ERBB4: variants seen among roughly 807,000 people sequenced by gnomAD.
The protein encoded by ERBB4 is receptor tyrosine-protein kinase erbB-4.
ERBB4 carries 42 observed loss-of-function variants against 158.0 expected under a neutral mutation model. The observed-to-expected ratio is 0.27, with a 90% CI of 0.21 to 0.34. ERBB4 has a LOEUF of 0.34. Among genes scored for constraint, ERBB4 ranks in the 10% least tolerant of loss-of-function variants. The probability of loss-of-function intolerance (pLI) is 1.00; values close to 1 mark genes in which losing one functional copy is unlikely to be tolerated. For synonymous variants in ERBB4, 583 were observed against 558.7 expected (o/e 1.04, Z -0.61); for missense variants, 1,333 against 1,624.1 (o/e 0.82, Z 3.08).
In ERBB4 at chr2:211,376,775, T is replaced by C. The variant is rs898725808; in HGVS notation, c.*6840A>G. 1.3e-5 allele frequency: 3 copies of C among 233,074 alleles called. No individual in the cohort carries two copies. In the Admixed American group the frequency reaches 1.7e-4, roughly 13 times the overall value. The allele number at this position is 233,074 out of a possible 1,614,324, so 14.4% of individuals were successfully genotyped here. A position where few individuals can be genotyped will look rare whatever the true frequency, so the allele number is the denominator to read the frequency against. On this transcript the variant is annotated 3_prime_UTR_variant, in exon 28 of 28. Coordinates refer to ENST00000342788, the MANE Select transcript of ERBB4 (RefSeq NM_005235.3). ...CTTCCACATTGATCTCATTTTCATT[T>C]GATCTTCTTGTAATGGTGCTCAAGA... is the stretch of plus-strand genomic sequence containing the variant.
At chr2:211,950,318 C>G (rs2080839922) in intron 2 of ERBB4, among the ~76,000 whole-genome samples, 1 of 152,048 alleles carries the variant, frequency 6.6e-6, no homozygotes, top group Non-Finnish European at 1.5e-5. Context: ...CTAGAGTGTT[C>G]AAAAACTTGC....
chr2:211,707,687 G>C (rs555977972), intron 9 of ERBB4, among the ~76,000 whole-genome samples: 1 of 152,024 alleles, frequency 6.6e-6, no homozygotes, highest in African/African-American at 2.4e-5. Flanking sequence ...TTTTCCTAAC[G>C]ATAACCCTAA....
chr2:211,533,637 A>AT (rs2066564169), intron 20 of ERBB4, among the ~76,000 whole-genome samples: 1 of 151,792 alleles, frequency 6.6e-6, no homozygotes, highest in Non-Finnish European at 1.5e-5. Flanking sequence ...AACAGACAAC[A>AT]TTTTTTTTAC....
At chr2:211,691,886 G>T (rs1339044647) in intron 12 of ERBB4, among the ~76,000 whole-genome samples, 3 of 152,058 alleles carry the variant, frequency 2.0e-5, no homozygotes, top group African/African-American at 4.8e-5. Flanking sequence ...GACAGATTGT[G>T]CAGGACCTAG....
intron 5 of ERBB4, among the ~76,000 whole-genome samples, chr2:211,745,002 A>G (rs931645354): frequency 6.6e-6 from 1 of 152,224 alleles, no homozygotes; most frequent in Admixed American, 6.5e-5. Context: ...TCTAAAATGT[A>G]CTTTTATATA....
At chr2:211,415,249 C>G (rs1216575753) in intron 25 of ERBB4, among the ~76,000 whole-genome samples, 1 of 151,142 alleles carries the variant, frequency 6.6e-6, no homozygotes, top group African/African-American at 2.4e-5. Flanking sequence ...CCCGAGTAGC[C>G]GGGACCACAG....
At chr2:212,437,167 T>G (rs951680179) in intron 1 of ERBB4, among the ~76,000 whole-genome samples, 7 of 152,092 alleles carry the variant, frequency 4.6e-5, no homozygotes, top group Admixed American at 4.6e-4. Context: ...CTTGGTGGTC[T>G]TTTTTCTGCA....
intron 20 of ERBB4, among the ~76,000 whole-genome samples, chr2:211,449,870 C>T (rs2064200938): frequency 6.6e-6 from 1 of 152,114 alleles, no homozygotes; most frequent in Admixed American, 6.5e-5. Context: ...AATTAACATT[C>T]AAGTGTTTAT....
Position 212,505,251 on chromosome 2 carries a change from C to T in ERBB4, c.82+33198G>A, listed in dbSNP as rs569525785. On this transcript the variant is annotated intron_variant, in intron 1 of 27. Coordinates refer to ENST00000342788, the MANE Select transcript of ERBB4 (RefSeq NM_005235.3). ...AGCGGGGATTAGAGACACACACCAC[C>T]ATGCCTGGCTAATTTTTGTATTTTT... is the stretch of plus-strand genomic sequence containing the variant. Among the ~76,000 whole-genome samples the T allele has an allele frequency of 2.6e-5, 4 of 152,272 alleles. No individual in the cohort carries two copies. The South Asian group carries it at 8.3e-4, about 32-fold the overall frequency.
intron 1 of ERBB4, among the ~76,000 whole-genome samples, chr2:212,290,080 T>C (rs2086148981): frequency 6.6e-6 from 1 of 152,150 alleles, no homozygotes; most frequent in Admixed American, 6.6e-5. Context: ...AAAAGAAATA[T>C]AACACACACT....
intron 1 of ERBB4, among the ~76,000 whole-genome samples, chr2:212,156,650 T>C (rs139132617): frequency 1.3e-3 from 203 of 152,270 alleles, no homozygotes; most frequent in African/African-American, 4.4e-3. Flanking sequence ...ATTGTCTTTT[T>C]TGGTAAAAGT....
intron 20 of ERBB4, among the ~76,000 whole-genome samples, chr2:211,510,677 GTA>G (rs2065864486): frequency 2.0e-5 from 3 of 151,998 alleles, no homozygotes; most frequent in Non-Finnish European, 2.9e-5. Flanking sequence ...CTGAAAAGCT[GTA>G]TGATTATTAA....
chr2:211,386,795 T>C, intron 27 of ERBB4, 58 bp downstream of exon 27: 2 of 1,568,660 alleles, frequency 1.3e-6, no homozygotes, highest in Non-Finnish European at 1.8e-6. Flanking sequence ...CTGTACTTTG[T>C]TTATCTTGAT....
chr2:212,190,692 A>C (rs2082163009), intron 1 of ERBB4, among the ~76,000 whole-genome samples: 1 of 152,180 alleles, frequency 6.6e-6, no homozygotes, highest in Admixed American at 6.5e-5. Context: ...ATTCAAACAC[A>C]TAGACCTGAG....
chr2:211,459,733 C>CTCT (rs2064480549), intron 20 of ERBB4, among the ~76,000 whole-genome samples: 1 of 152,088 alleles, frequency 6.6e-6, no homozygotes, highest in South Asian at 2.1e-4. Context: ...TCCATTAAAC[C>CTCT]TCTTTTTCTT....
intron 5 of ERBB4, among the ~76,000 whole-genome samples, chr2:211,731,021 TCAAA>T (rs1236110168): frequency 6.6e-6 from 1 of 152,076 alleles, no homozygotes; most frequent in Non-Finnish European, 1.5e-5. Context: ...AATTGGAAAA[TCAAA>T]CAAACAAAAA....
chr2:211,619,956 TTAG>T (rs2069535948), intron 18 of ERBB4, among the ~76,000 whole-genome samples: 1 of 150,614 alleles, frequency 6.6e-6, no homozygotes, highest in Admixed American at 6.6e-5. Flanking sequence ...TTGGCCGTTG[TTAG>T]TTCTCTTTTC....
At chr2:212,439,490 T>C (rs1054411505) in intron 1 of ERBB4, among the ~76,000 whole-genome samples, 1 of 148,842 alleles carries the variant, frequency 6.7e-6, no homozygotes, top group Non-Finnish European at 1.5e-5. Flanking sequence ...GATATACCTT[T>C]CTCCCCATGA....
chr2:211,524,633 T>C (rs1468294470), intron 20 of ERBB4, among the ~76,000 whole-genome samples: 1 of 87,972 alleles, frequency 1.1e-5, no homozygotes, highest in Non-Finnish European at 2.1e-5. Context: ...GCTACGCCCC[T>C]CATTGCCCGG....
Sources: allele counts gnomAD v4.1 joint callset (sites outside exome capture counted in the v4.1 genomes callset), GRCh38; gene constraint gnomAD v4.1.1; transcripts MANE v1.5; gene names NCBI Gene and HGNC (gene_info 2026-07-23, HGNC 2026-07-21).